Variants in ACTR10 observed in about 807,000 individuals in gnomAD.
The protein encoded by ACTR10 is actin related protein 10.
ACTR10 carries 43 observed loss-of-function variants against 56.2 expected under a neutral mutation model. That is an observed-to-expected ratio of 0.77 (90% confidence interval 0.60 to 0.99). ACTR10 has a LOEUF of 0.99. ACTR10 is among the 50% of genes least tolerant of loss of function. The pLI is 0.00. For missense variants in ACTR10, 466 were observed against 507.8 expected, an observed-to-expected ratio of 0.92 and a Z score of 0.79; for synonymous variants, 170 against 176.3, an observed-to-expected ratio of 0.96 and a Z score of 0.28.
At position 58,200,276 on chromosome 14, in the gene ACTR10, TG is replaced by T; in HGVS notation, c.62del (p.Gly21GlufsTer18). ...GAGAAGACGGCGGTCGTGATCGACC[TG>T]GGAGAGGCCTTTACCAAGTGAGTGG... is the stretch of plus-strand genomic sequence containing the variant. ...GGEKTAVVID[L>X]GEAFTKCGFA... On this transcript the variant is annotated frameshift_variant, in exon 1 of 13. Transcript: ENST00000254286. LOFTEE classifies it high-confidence loss of function. 1 of 1,511,930 alleles carries T rather than the reference TG, an allele frequency of 6.6e-7. No individual in the cohort carries two copies. Among genetic ancestry groups the T allele is most frequent in the Non-Finnish European group, 8.8e-7 (1 of 1,135,700 alleles). 93.7% of individuals were successfully genotyped at this position (1,511,930 alleles called of 1,614,324 possible). A position where few individuals can be genotyped will look rare whatever the true frequency, so the allele number is the denominator to read the frequency against.
intron 10 of ACTR10, among the ~76,000 whole-genome samples, chr14:58,229,719 A>C (rs527667153): frequency 6.6e-6 from 1 of 151,034 alleles, no homozygotes; most frequent in Non-Finnish European, 1.5e-5. Context: ...TGCTCTTACT[A>C]CTTATGGAAG....
At chr14:58,227,032 C>A (rs1221907063) in intron 10 of ACTR10, among the ~76,000 whole-genome samples, 5 of 152,176 alleles carry the variant, frequency 3.3e-5, no homozygotes, top group Non-Finnish European at 4.4e-5. Flanking sequence ...AAATCGTATA[C>A]TAAACATTTT....
At chr14:58,219,909 G>C (rs1167600151) in intron 8 of ACTR10, among the ~76,000 whole-genome samples, 180 bp downstream of exon 8, 1 of 152,110 alleles carries the variant, frequency 6.6e-6, no homozygotes. Flanking sequence ...ACTTAGGGAA[G>C]CTGTGGCATA....
Position 58,213,621 on chromosome 14 carries a change from T to A in ACTR10, c.451-10T>A, listed in dbSNP as rs1467609309. 1 of 1,590,114 alleles carries A rather than the reference T, an allele frequency of 6.3e-7. No individual in the cohort carries two copies. The highest frequency in any genetic ancestry group is 1.3e-5 in the African/African-American group (1 of 74,328). On this transcript the variant is annotated splice_polypyrimidine_tract_variant and intron_variant, in intron 5 of 12. Transcript: ENST00000254286. Reference sequence around the variant, plus strand: ...CTCCTAAAATAGTAGTATCCTTGACTACTCTATAGATATATGAAGGAATCC... The same window carrying A: ...CTCCTAAAATAGTAGTATCCTTGACAACTCTATAGATATATGAAGGAATCC...
chr14:58,212,480 G>C (rs1273836415), intron 5 of ACTR10, among the ~76,000 whole-genome samples: 1 of 152,108 alleles, frequency 6.6e-6, no homozygotes, highest in Admixed American at 6.6e-5. Flanking sequence ...AGATCTACAT[G>C]TATATTTATT....
At chr14:58,214,287 C>T (rs1267413201) in intron 6 of ACTR10, among the ~76,000 whole-genome samples, 1 of 152,096 alleles carries the variant, frequency 6.6e-6, no homozygotes, top group East Asian at 1.9e-4. Context: ...CTATGCATGG[C>T]TTATTTCACT....
Position 58,213,646 on chromosome 14 carries a change from C to A in ACTR10, c.466C>A (p.Pro156Thr). The A allele has an allele frequency of 2.5e-6, 4 of 1,611,022 alleles. No homozygotes were observed. The highest frequency in any genetic ancestry group is 3.4e-6 in the Non-Finnish European group (4 of 1,178,136). ...SLVLPIYEGIPVLNCWGALPL... is the reference protein window; with the variant it reads ...SLVLPIYEGITVLNCWGALPL... The stretch of plus-strand genomic sequence containing the variant: ...TACTCTATAGATATATGAAGGAATC[C>A]CAGTTCTAAATTGTTGGGGAGCACT... The change falls in exon 6 of 13, where the codon CCA becomes ACA. Residue 156 changes from proline to threonine, a missense_variant. Transcript: ENST00000254286.
chr14:58,209,418 A>C (rs1432240133), intron 4 of ACTR10, among the ~76,000 whole-genome samples: 1 of 152,058 alleles, frequency 6.6e-6, no homozygotes, highest in Non-Finnish European at 1.5e-5. Flanking sequence ...TATTTATTTT[A>C]ATATAGGTTT....
intron 10 of ACTR10, among the ~76,000 whole-genome samples, chr14:58,229,197 A>G (rs988389357): frequency 2.7e-5 from 4 of 149,304 alleles, no homozygotes; most frequent in African/African-American, 9.8e-5. Context: ...ATGTGGAATC[A>G]AAAAAAAAAG....
intron 7 of ACTR10, 84 bp from the exon 8 acceptor site, chr14:58,219,610 T>G (rs1889217702): frequency 1.2e-6 from 1 of 862,230 alleles, no homozygotes; most frequent in African/African-American, 1.8e-5. Flanking sequence ...TTTTCTAAAT[T>G]GAAAAATAGA....
intron 2 of ACTR10, among the ~76,000 whole-genome samples, chr14:58,204,749 T>C (rs1217390508): frequency 6.6e-6 from 1 of 152,186 alleles, no homozygotes; most frequent in African/African-American, 2.4e-5. Context: ...ACTTTTCTTA[T>C]GAATAGATCT....
chr14:58,225,013 G>GC (rs2140059805), intron 10 of ACTR10, among the ~76,000 whole-genome samples: 1 of 151,980 alleles, frequency 6.6e-6, no homozygotes, highest in Admixed American at 6.6e-5. Context: ...AATTGCTCAG[G>GC]CTTTATGGGT....
At chr14:58,210,196 G>A (rs187071169) in intron 4 of ACTR10, among the ~76,000 whole-genome samples, 19 of 152,130 alleles carry the variant, frequency 1.2e-4, no homozygotes, top group South Asian at 4.2e-4. Context: ...TCTGCCATTC[G>A]ATTATGATGG....
intron 8 of ACTR10, among the ~76,000 whole-genome samples, chr14:58,221,128 C>T (rs909766902): frequency 1.3e-5 from 2 of 151,636 alleles, no homozygotes; most frequent in African/African-American, 4.8e-5. Flanking sequence ...CTAAAAAGTA[C>T]AAAAATTAGC....
chr14:58,228,681 C>CTTTTTTTTTT lies in ACTR10; in HGVS notation c.789-1689_789-1680dup, dbSNP rs35498207. Among the ~76,000 whole-genome samples the CTTTTTTTTTT allele has an allele frequency of 7.4e-5, 3 of 40,790 alleles. 1 individual carries two copies. Among genetic ancestry groups the CTTTTTTTTTT allele is most frequent in the East Asian group, 1.9e-3 (2 of 1,032 alleles). The allele number at this position is 40,790 out of a possible 152,430, so 26.8% of individuals were successfully genotyped here. A position where few individuals can be genotyped will look rare whatever the true frequency, so the allele number is the denominator to read the frequency against. ...TAACTACATCTAGTTGCAAGACAGA[C>CTTTTTTTTTT]TTTTTTTTTTTTTTTTTTTTTTTTT... On this transcript the variant is annotated intron_variant, in intron 10 of 12. Coordinates refer to ENST00000254286, the MANE Select transcript of ACTR10 (RefSeq NM_018477.3).
chr14:58,233,073 A>C (rs1198841867), intron 12 of ACTR10, among the ~76,000 whole-genome samples: 1 of 151,580 alleles, frequency 6.6e-6, no homozygotes, highest in Non-Finnish European at 1.5e-5. Flanking sequence ...GGGTTTCTCC[A>C]TGTTGGTCAG....
intron 8 of ACTR10, 54 bp from the exon 9 acceptor site, chr14:58,223,568 C>T (rs970912551): frequency 1.4e-6 from 2 of 1,413,412 alleles, no homozygotes; most frequent in South Asian, 1.3e-5. Context: ...TGTAGGTACA[C>T]TCTGTTCAAT....
rs1888913699 is a variant in ACTR10, at chr14:58,208,215, ATG to A, written c.233+198_233+199del. Among the ~76,000 whole-genome samples the A allele has an allele frequency of 2.0e-5, 3 of 152,318 alleles. No individual in the cohort carries two copies. In the South Asian group the frequency reaches 6.2e-4, roughly 32 times the overall value. On this transcript the variant is annotated intron_variant, in intron 3 of 12. Coordinates refer to ENST00000254286, the MANE Select transcript of ACTR10 (RefSeq NM_018477.3). Reference sequence around the variant, plus strand: ...TGGCAGACATAAAGAGATACTGAAAATGAAATATTCATTAATGAAGTGAACTG... The same window carrying A: ...TGGCAGACATAAAGAGATACTGAAAAAAATATTCATTAATGAAGTGAACTG...
At chr14:58,229,719 A>G (rs527667153) in intron 10 of ACTR10, among the ~76,000 whole-genome samples, 26 of 151,122 alleles carry the variant, frequency 1.7e-4, no homozygotes, top group African/African-American at 5.6e-4. Context: ...TGCTCTTACT[A>G]CTTATGGAAG....
Sources: gnomAD v4.1 joint callset for allele counts (sites outside exome capture counted in the v4.1 genomes callset) on GRCh38, gnomAD v4.1.1 for gene constraint, MANE v1.5 for transcripts, NCBI Gene and HGNC (gene_info 2026-07-23, HGNC 2026-07-21) for gene names.